Variants in TBC1D26 observed in about 807,000 individuals in gnomAD.
TBC1D26 encodes the protein TBC1 domain family member 26.
A neutral mutation model predicts 42.5 loss-of-function variants in TBC1D26; 19 were observed. The observed-to-expected ratio is 0.45, with a 90% CI of 0.31 to 0.66. The LOEUF (loss-of-function observed/expected upper bound fraction) is 0.66. Among genes scored for constraint, TBC1D26 ranks in the 30% least tolerant of loss-of-function variants. TBC1D26 has a pLI of 0.06. For synonymous variants in TBC1D26, 97 were observed against 123.5 expected, an observed-to-expected ratio of 0.79 and a Z score of 1.42; for missense variants, 228 against 332.6, an observed-to-expected ratio of 0.69 and a Z score of 2.45.
At chr17:15,739,641 T>C (rs1360939521) in intron 8 of TBC1D26, among the ~76,000 whole-genome samples, 1 of 152,266 alleles carries the variant, frequency 6.6e-6, no homozygotes, top group Non-Finnish European at 1.5e-5. Flanking sequence ...GGGCAAACCA[T>C]AGAGACAGAG....
At chr17:15,741,098 C>T in intron 9 of TBC1D26, 24 bp from the exon 10 acceptor site, 1 of 1,605,752 alleles carries the variant, frequency 6.2e-7, no homozygotes, top group Non-Finnish European at 8.5e-7. Flanking sequence ...TGACATCTTT[C>T]CACGGTGACT....
chr17:15,739,983 A>C (rs1418477158), intron 8 of TBC1D26, 117 bp from the exon 9 acceptor site: 5 of 1,313,126 alleles, frequency 3.8e-6, no homozygotes, highest in Non-Finnish European at 5.3e-6. Context: ...CTCACTGCTT[A>C]TTTGGGGGGA....
chr17:15,732,851 C>T (rs893491261), intron 1 of TBC1D26, among the ~76,000 whole-genome samples: 4 of 152,150 alleles, frequency 2.6e-5, no homozygotes, highest in African/African-American at 4.8e-5. Flanking sequence ...ACTTCACGTG[C>T]GGTCACTGAG....
intron 9 of TBC1D26, 54 bp from the exon 10 acceptor site, chr17:15,741,068 G>A (rs1967761910): frequency 2.5e-6 from 4 of 1,598,956 alleles, no homozygotes; most frequent in East Asian, 2.2e-5. Context: ...GTCCTCCCAG[G>A]TGGCCTCAGT....
chr17:15,732,372 T>C lies in TBC1D26; in HGVS notation c.-155T>C, dbSNP rs1480919384. On this transcript the variant is annotated 5_prime_UTR_variant, in exon 1 of 15. Coordinates refer to ENST00000437605, the MANE Select transcript of TBC1D26 (RefSeq NM_001388465.1). ...TTGCTAAGTGAGAGACACAACTGAC[T>C]CAACTGACTCAGGTGAGTGTGACCT... 2 of 143,126 alleles carry C rather than the reference T, an allele frequency of 1.4e-5. No individual in the cohort carries two copies. Among genetic ancestry groups the C allele is most frequent in the African/African-American group, 5.2e-5 (2 of 38,816 alleles). 8.9% of individuals were successfully genotyped at this position (143,126 alleles called of 1,614,324 possible).
intron 9 of TBC1D26, 77 bp downstream of exon 9, chr17:15,740,225 C>A (rs775261309): frequency 2.4e-5 from 38 of 1,613,354 alleles, no homozygotes; most frequent in Non-Finnish European, 3.1e-5. Context: ...GGGGGTGTTG[C>A]AACTTCTTGA....
chr17:15,737,699 A>C (rs1487646934), intron 5 of TBC1D26, 176 bp downstream of exon 5: 1 of 1,056,646 alleles, frequency 9.5e-7, no homozygotes, highest in African/African-American at 1.6e-5. Flanking sequence ...ACCAAAACCC[A>C]AACCAAGAAC....
intron 8 of TBC1D26, among the ~76,000 whole-genome samples, chr17:15,739,315 C>T (rs1967708350): frequency 6.6e-6 from 1 of 151,896 alleles, no homozygotes; most frequent in South Asian, 2.1e-4. Flanking sequence ...TGGCCTCGTA[C>T]CACACATCCC....
Position 15,735,020 on chromosome 17 carries a change from C to T in TBC1D26, c.-52C>T, listed in dbSNP as rs538548382. 171 of 406,848 alleles carry T rather than the reference C, an allele frequency of 4.2e-4. 2 individuals are homozygous for T. The highest frequency in any genetic ancestry group is 2.5e-3 in the African/African-American group (125 of 50,240). The allele number at this position is 406,848 out of a possible 1,614,324, so 25.2% of individuals were successfully genotyped here. On this transcript the variant is annotated 5_prime_UTR_variant, in exon 2 of 15. Transcript: ENST00000437605. Reference sequence around the variant, plus strand: ...CCTCCAGGTGCCCAGAACAGCCCATCGTGGGGACTTCACCCTCAGCAAGTG... The same window carrying T: ...CCTCCAGGTGCCCAGAACAGCCCATTGTGGGGACTTCACCCTCAGCAAGTG...
intron 8 of TBC1D26, 126 bp downstream of exon 8, chr17:15,738,956 C>A (rs1967699471): frequency 2.9e-6 from 4 of 1,356,592 alleles, no homozygotes; most frequent in Non-Finnish European, 4.1e-6. Context: ...GCTCTCCTGG[C>A]CCAGGGAGCA....
intron 4 of TBC1D26, among the ~76,000 whole-genome samples, chr17:15,736,894 T>C (rs1967627905): frequency 6.6e-6 from 1 of 152,226 alleles, no homozygotes; most frequent in African/African-American, 2.4e-5. Context: ...GAGAGGGTCA[T>C]AGTGTCTGGG....
chr17:15,743,274 C>A (rs1331097813), intron 13 of TBC1D26, 93 bp from the exon 14 acceptor site: 2 of 672,360 alleles, frequency 3.0e-6, no homozygotes, highest in Non-Finnish European at 3.7e-6. Context: ...GGACCAGACA[C>A]CACCCAGTGG....
At chr17:15,735,129 T>C in intron 2 of TBC1D26, 59 bp downstream of exon 2, 1 of 605,996 alleles carries the variant, frequency 1.7e-6, no homozygotes, top group Non-Finnish European at 2.9e-6. Context: ...GGTTCCCGTG[T>C]GCTCAAATCC....
chr17:15,735,938 C>T (rs1967602732), intron 4 of TBC1D26: 1 of 602,290 alleles, frequency 1.7e-6, no homozygotes, highest in Admixed American at 3.0e-5. Flanking sequence ...GCTCTCAGCA[C>T]TGTGGTCTCC....
At chr17:15,740,325 C>G in intron 9 of TBC1D26, 177 bp downstream of exon 9, 1 of 1,556,992 alleles carries the variant, frequency 6.4e-7, no homozygotes, top group East Asian at 2.3e-5. Context: ...CCTGGTGTCA[C>G]ATGGACCCAA....
chr17:15,740,318 G>A (rs1967744424), intron 9 of TBC1D26, 170 bp downstream of exon 9: 1 of 1,569,228 alleles, frequency 6.4e-7, no homozygotes, highest in Admixed American at 1.8e-5. Flanking sequence ...CCAGACTCCT[G>A]GTGTCACATG....
At position 15,735,021 on chromosome 17, in the gene TBC1D26, G is replaced by A. The variant is rs904263933; in HGVS notation, c.-51G>A. On this transcript the variant is annotated 5_prime_UTR_variant, in exon 2 of 15. It adds an upstream start codon to the 5' untranslated region. Transcript: ENST00000437605. ...CTCCAGGTGCCCAGAACAGCCCATC[G>A]TGGGGACTTCACCCTCAGCAAGTGG... 3.2e-5 allele frequency: 13 copies of A among 405,358 alleles called. No individual in the cohort carries two copies. The highest frequency in any genetic ancestry group is 2.6e-4 in the South Asian group (7 of 27,228). 25.1% of individuals were successfully genotyped at this position (405,358 alleles called of 1,614,324 possible). A position where few individuals can be genotyped will look rare whatever the true frequency, so the allele number is the denominator to read the frequency against.
At chr17:15,735,170 A>G in intron 2 of TBC1D26, 100 bp downstream of exon 2, 1 of 707,328 alleles carries the variant, frequency 1.4e-6, no homozygotes, top group Non-Finnish European at 2.4e-6. Flanking sequence ...GGTTGGAGGC[A>G]AGGACTTCAG....
chr17:15,733,789 T>C (rs1967539685), intron 1 of TBC1D26: 1 of 152,260 alleles, frequency 6.6e-6, no homozygotes, highest in Non-Finnish European at 1.5e-5. Flanking sequence ...GACCTCAAAA[T>C]GTCACTGGTG....
Sources: allele counts gnomAD v4.1 joint callset (sites outside exome capture counted in the v4.1 genomes callset), GRCh38; gene constraint gnomAD v4.1.1; transcripts MANE v1.5; gene names NCBI Gene and HGNC (gene_info 2026-07-23, HGNC 2026-07-21).